SPNS2: variants seen among roughly 807,000 people sequenced by gnomAD.
SPNS2 encodes the protein sphingosine-1-phosphate transporter SPNS2.
SPNS2 carries 37 observed loss-of-function variants against 57.6 expected under a neutral mutation model. The observed-to-expected ratio is 0.64, with a 90% CI of 0.49 to 0.85. SPNS2 has a LOEUF of 0.85. Ranked by LOEUF, SPNS2 falls within the 40% of genes least tolerant of loss-of-function variation. The pLI, the probability that SPNS2 is intolerant of heterozygous loss-of-function variation, is 0.00. For synonymous variants in SPNS2, 440 were observed against 346.9 expected, an observed-to-expected ratio of 1.27 and a Z score of -2.98; for missense variants, 831 against 779.1, an observed-to-expected ratio of 1.07 and a Z score of -0.79.
intron 5 of SPNS2, among the ~76,000 whole-genome samples, chr17:4,532,179 C>T (rs964102024): frequency 6.6e-6 from 1 of 152,000 alleles, no homozygotes; most frequent in Admixed American, 6.6e-5. Context: ...TCCATCTATC[C>T]GTCCATCCCT....
At chr17:4,503,405 C>T (rs1390640663) in intron 1 of SPNS2, among the ~76,000 whole-genome samples, 2 of 152,224 alleles carry the variant, frequency 1.3e-5, no homozygotes, top group Admixed American at 1.3e-4. Context: ...TCTGAGCCCA[C>T]TCCTAGCTGC....
Position 4,525,128 on chromosome 17 carries a change from A to T in SPNS2, c.508A>T (p.Ile170Phe). ...YLGDRFNRKVILSCGIFFWSA... is the reference protein window; with the variant it reads ...YLGDRFNRKVFLSCGIFFWSA... ...GGGCGACCGCTTCAACAGGAAGGTGATTCTCAGCTGCGGCATTTTCTTCTG... is the reference window on the plus strand; with the variant it reads ...GGGCGACCGCTTCAACAGGAAGGTGTTTCTCAGCTGCGGCATTTTCTTCTG... The change falls in exon 3 of 13, where the codon ATT becomes TTT. Residue 170 changes from isoleucine to phenylalanine, a missense_variant. Transcript: ENST00000329078. The T allele has an allele frequency of 6.2e-7, 1 of 1,614,138 alleles. No homozygotes were observed. The highest frequency in any genetic ancestry group is 8.5e-7 in the Non-Finnish European group (1 of 1,180,018).
At chr17:4,520,178 G>A (rs1329006281) in intron 2 of SPNS2, among the ~76,000 whole-genome samples, 1 of 152,226 alleles carries the variant, frequency 6.6e-6, no homozygotes, top group Admixed American at 6.5e-5. Context: ...GGGAGGATCA[G>A]GTGAGCTAAG....
rs1076071 is a variant in SPNS2 at position 4,536,206 on chromosome 17, C to G, written c.1443+32C>G. On this transcript the variant is annotated intron_variant, in intron 10 of 12. Transcript: ENST00000329078. ...AGCCCCGGGGTGGGGCTGGCCAGGG[C>G]AGGCTGGGGGACTGCAGGAGGGCTC... 0.99 allele frequency: 1,598,006 copies of G among 1,609,170 alleles called. 793,804 individuals carry two copies. The highest frequency in any genetic ancestry group is 1 in the East Asian group (44,774 of 44,776).
intron 9 of SPNS2, among the ~76,000 whole-genome samples, chr17:4,534,928 C>T (rs570964588): frequency 2.6e-4 from 40 of 152,306 alleles, no homozygotes; most frequent in African/African-American, 9.4e-4. Context: ...CCGGGGAAAT[C>T]GCGTCCCGGT....
chr17:4,515,188 G>A (rs1304859603), intron 2 of SPNS2, among the ~76,000 whole-genome samples: 1 of 152,190 alleles, frequency 6.6e-6, no homozygotes, highest in East Asian at 1.9e-4. Context: ...TGAAAGAGAA[G>A]TCACTCCGTC....
intron 3 of SPNS2, among the ~76,000 whole-genome samples, chr17:4,528,305 G>A (rs1460986775): frequency 6.6e-6 from 1 of 152,044 alleles, no homozygotes; most frequent in South Asian, 2.1e-4. Context: ...TTATAGGTGT[G>A]AGCCACTGTG....
rs536632913 is a variant in SPNS2 at position 4,532,909 on chromosome 17, T to G, written c.936-68T>G. 1.9e-6 allele frequency: 3 copies of G among 1,551,512 alleles called. No homozygotes were observed. In the Admixed American group the frequency reaches 5.5e-5, roughly 28 times the overall value. On this transcript the variant is annotated intron_variant, in intron 6 of 12. Coordinates refer to ENST00000329078, the MANE Select transcript of SPNS2 (RefSeq NM_001124758.3). ...ATTTGGGGGCCTCCTGTTCCCCCAG[T>G]GCATGGGGCTGCCTAGGGGGGTGAA...
chr17:4,519,800 C>T (rs1438643108), intron 2 of SPNS2, among the ~76,000 whole-genome samples: 3 of 152,242 alleles, frequency 2.0e-5, no homozygotes, highest in East Asian at 3.9e-4. Context: ...GCAGAGTTGC[C>T]TGCTGGCCTC....
chr17:4,533,572 C>A, intron 8 of SPNS2, 140 bp downstream of exon 8: 2 of 1,086,126 alleles, frequency 1.8e-6, no homozygotes, highest in South Asian at 1.6e-5. Flanking sequence ...CCTGCTCATC[C>A]CCAGCCTGGC....
chr17:4,525,955 A>C (rs1469516486), intron 3 of SPNS2, among the ~76,000 whole-genome samples: 1 of 152,128 alleles, frequency 6.6e-6, no homozygotes, highest in African/African-American at 2.4e-5. Context: ...TCAAGCAGAG[A>C]GTGGCAATCA....
chr17:4,537,442 C>T lies in SPNS2; in HGVS notation c.*5-11C>T. 2.2e-6 allele frequency: 1 copy of T among 446,690 alleles called. No individual in the cohort carries two copies. The highest frequency in any genetic ancestry group is 4.5e-6 in the Non-Finnish European group (1 of 219,806). The allele number at this position is 446,690 out of a possible 1,614,324, so 27.7% of individuals were successfully genotyped here. On this transcript the variant is annotated splice_polypyrimidine_tract_variant and intron_variant, in intron 12 of 12. Transcript: ENST00000329078. ...TAAGCCCCACTGCTGACCTGACACC[C>T]CTTTCCCCAGGTGCCATTGGGACAA...
At chr17:4,513,958 G>C (rs1218924045) in intron 2 of SPNS2, among the ~76,000 whole-genome samples, 1 of 152,224 alleles carries the variant, frequency 6.6e-6, no homozygotes, top group African/African-American at 2.4e-5. Flanking sequence ...AGCTGGGCCG[G>C]GACAGTGTGG....
chr17:4,536,883 G>T lies in SPNS2; in HGVS notation c.1608-17G>T. ...CCGCTGATGCACCACCCTGACCCCC[G>T]CCCGTCTCTCCCCCAGGGTGAACCA... On this transcript the variant is annotated splice_polypyrimidine_tract_variant and intron_variant, in intron 11 of 12. Coordinates refer to ENST00000329078, the MANE Select transcript of SPNS2 (RefSeq NM_001124758.3). 2 of 1,612,256 alleles carry T rather than the reference G, an allele frequency of 1.2e-6. No homozygotes were observed. Among genetic ancestry groups the T allele is most frequent in the Non-Finnish European group, 1.7e-6 (2 of 1,179,418 alleles).
chr17:4,524,670 C>T (rs561222329), intron 2 of SPNS2, among the ~76,000 whole-genome samples: 4 of 152,190 alleles, frequency 2.6e-5, no homozygotes, highest in South Asian at 2.1e-4. Flanking sequence ...GGTGACAGAG[C>T]GAGACCCTGT....
In SPNS2 at chr17:4,536,528, C is replaced by T. The variant is rs562221738; in HGVS notation, c.1607+102C>T. The T allele has an allele frequency of 2.0e-4, 274 of 1,352,258 alleles. 2 individuals are homozygous for T. Among genetic ancestry groups the T allele is most frequent in the East Asian group, 2.7e-4 (11 of 41,450 alleles). The allele number at this position is 1,352,258 out of a possible 1,614,324, so 83.8% of individuals were successfully genotyped here. A position where few individuals can be genotyped will look rare whatever the true frequency, so the allele number is the denominator to read the frequency against. ...GGGGTGGGGCGGGGAGGGTACAGACCTCCCATGCACTCAGTGCACCCACTG... is the reference window on the plus strand; with the variant it reads ...GGGGTGGGGCGGGGAGGGTACAGACTTCCCATGCACTCAGTGCACCCACTG... On this transcript the variant is annotated intron_variant, in intron 11 of 12. Coordinates refer to ENST00000329078, the MANE Select transcript of SPNS2 (RefSeq NM_001124758.3).
rs199589308 is a variant in SPNS2, at chr17:4,536,408, G to T, written c.1589G>T (p.Arg530Leu). ...ACTGCGCTCTTCTTCGTCAGCGACC[G>T]CGCCAGGGCTGAGCAGCAGTGAGTG... Reference protein sequence around the residue: ...LATALFFVSDRARAEQQVNQL... With the variant: ...LATALFFVSDLARAEQQVNQL... Residue 530 changes from arginine to leucine, a missense_variant, in exon 11 of 13, where the codon CGC becomes CTC. By Grantham distance (102) the Arg-to-Leu change is moderately radical (BLOSUM62 -2). Coordinates refer to ENST00000329078, the MANE Select transcript of SPNS2 (RefSeq NM_001124758.3). 6.2e-7 allele frequency: 1 copy of T among 1,601,576 alleles called. No individual in the cohort carries two copies. The highest frequency in any genetic ancestry group is 1.1e-5 in the South Asian group (1 of 90,912).
intron 12 of SPNS2, 74 bp downstream of exon 12, chr17:4,537,020 C>G: frequency 1.3e-6 from 2 of 1,531,436 alleles, no homozygotes; most frequent in Non-Finnish European, 1.8e-6. Context: ...ACAGGGAGCA[C>G]TTTTCCTCCA....
chr17:4,532,203 T>C (rs1163181919), intron 5 of SPNS2, among the ~76,000 whole-genome samples: 2 of 152,138 alleles, frequency 1.3e-5, no homozygotes, highest in African/African-American at 4.8e-5. Flanking sequence ...TCTATCTCTG[T>C]CCATCTCTCC....
Sources: gnomAD v4.1 joint callset for allele counts (sites outside exome capture counted in the v4.1 genomes callset) on GRCh38, gnomAD v4.1.1 for gene constraint, MANE v1.5 for transcripts, NCBI Gene and HGNC (gene_info 2026-07-23, HGNC 2026-07-21) for gene names.